The following ATRNL1 variants were observed in gnomAD, a reference collection of about 807,000 sequenced individuals.
ATRNL1 encodes the protein attractin like 1.
In ATRNL1, 95 loss-of-function variants were observed where a neutral mutation model predicts 182.7. The observed-to-expected ratio is 0.52, with a 90% CI of 0.44 to 0.62. The LOEUF (loss-of-function observed/expected upper bound fraction) is 0.62, where lower values mean the gene tolerates loss of function less well. ATRNL1 is among the 20% of genes least tolerant of loss of function. The probability of loss-of-function intolerance (pLI) is 0.00; values close to 1 mark genes in which losing one functional copy is unlikely to be tolerated. For missense variants in ATRNL1, 1,471 were observed against 1,679.5 expected (o/e 0.88, Z 2.17); for synonymous variants, 576 against 568.3 (o/e 1.01, Z -0.19).
chr10:115,664,343 A>G (rs1245732094), intron 26 of ATRNL1, among the ~76,000 whole-genome samples: 2 of 152,212 alleles, frequency 1.3e-5, no homozygotes, highest in African/African-American at 4.8e-5. Context: ...TGACACAATT[A>G]TGAATCTCAA....
At chr10:115,181,787 C>G (rs1847756253) in intron 8 of ATRNL1, among the ~76,000 whole-genome samples, 1 of 151,652 alleles carries the variant, frequency 6.6e-6, no homozygotes, top group African/African-American at 2.4e-5. Context: ...AGAAGGCATA[C>G]AAGAAGACAA....
chr10:115,398,398 A>G (rs1844391074), intron 20 of ATRNL1, among the ~76,000 whole-genome samples: 1 of 151,896 alleles, frequency 6.6e-6, no homozygotes, highest in Non-Finnish European at 1.5e-5. Context: ...TTTTTTGTGC[A>G]GTGGTTTTTA....
chr10:115,890,739 T>C (rs1455089080), intron 28 of ATRNL1, among the ~76,000 whole-genome samples: 1 of 152,224 alleles, frequency 6.6e-6, no homozygotes, highest in African/African-American at 2.4e-5. Context: ...TAATGATGCC[T>C]ACTCATATGC....
chr10:115,377,938 T>A (rs1318402055), intron 19 of ATRNL1, among the ~76,000 whole-genome samples: 5 of 152,120 alleles, frequency 3.3e-5, no homozygotes, highest in African/African-American at 1.2e-4. Context: ...GGGTTCAGAG[T>A]TAACAGACAT....
chr10:115,541,777 A>G (rs782534389), intron 25 of ATRNL1, among the ~76,000 whole-genome samples: 19 of 152,212 alleles, frequency 1.2e-4, no homozygotes, highest in Admixed American at 2.0e-4. Flanking sequence ...TTAGCAATAG[A>G]CAAGACTGAA....
At chr10:115,877,455 CT>C (rs1310687118) in intron 28 of ATRNL1, among the ~76,000 whole-genome samples, 1 of 152,200 alleles carries the variant, frequency 6.6e-6, no homozygotes, top group Non-Finnish European at 1.5e-5. Context: ...CTCCTTAGCA[CT>C]TCTCCAGAAT....
intron 26 of ATRNL1, among the ~76,000 whole-genome samples, chr10:115,579,082 ATCT>A (rs1464617487): frequency 1.3e-5 from 2 of 151,616 alleles, no homozygotes; most frequent in African/African-American, 4.8e-5. Context: ...TATGATTTTG[ATCT>A]TCTTAAATTT....
At chr10:115,874,227 T>A (rs906395779) in intron 28 of ATRNL1, among the ~76,000 whole-genome samples, 2 of 152,154 alleles carry the variant, frequency 1.3e-5, no homozygotes, top group African/African-American at 4.8e-5. Flanking sequence ...GAAAGCAGCA[T>A]CCATAGCTGG....
chr10:115,614,638 G>C (rs553825146), intron 26 of ATRNL1, among the ~76,000 whole-genome samples: 1 of 152,128 alleles, frequency 6.6e-6, no homozygotes, highest in African/African-American at 2.4e-5. Context: ...GTACCCAACT[G>C]TTACTATATT....
intron 21 of ATRNL1, among the ~76,000 whole-genome samples, chr10:115,447,636 A>C (rs1029992982): frequency 6.6e-6 from 1 of 151,974 alleles, no homozygotes; most frequent in Non-Finnish European, 1.5e-5. Context: ...TTAGTTATGT[A>C]GAATATTTCT....
chr10:115,551,188 C>T (rs1270181986), intron 26 of ATRNL1, among the ~76,000 whole-genome samples: 2 of 151,522 alleles, frequency 1.3e-5, no homozygotes, highest in African/African-American at 4.8e-5. Context: ...TTTGTTAAAA[C>T]TAATATGAAT....
intron 26 of ATRNL1, among the ~76,000 whole-genome samples, chr10:115,694,172 GCACACA>G (rs71010040): frequency 2.7e-4 from 40 of 146,910 alleles, no homozygotes; most frequent in South Asian, 8.7e-4. Context: ...CTACACAGAC[GCACACA>G]CACACACACA....
chr10:115,571,558 A>G (rs1047443593), intron 26 of ATRNL1, among the ~76,000 whole-genome samples: 12 of 151,904 alleles, frequency 7.9e-5, no homozygotes, highest in African/African-American at 2.9e-4. Context: ...CTTCCAATGT[A>G]TTTTCTCTCT....
At chr10:115,890,266 AC>A in intron 28 of ATRNL1, among the ~76,000 whole-genome samples, 1 of 152,174 alleles carries the variant, frequency 6.6e-6, no homozygotes, top group African/African-American at 2.4e-5. Context: ...TAAGAATGCA[AC>A]CTATTAAGCA....
chr10:115,139,781 A>G (rs1284685438), intron 5 of ATRNL1, among the ~76,000 whole-genome samples: 3 of 152,208 alleles, frequency 2.0e-5, no homozygotes, highest in Admixed American at 6.5e-5. Context: ...AACAACTATA[A>G]TAAGTAGCAC....
intron 20 of ATRNL1, among the ~76,000 whole-genome samples, chr10:115,421,836 A>G (rs949423706): frequency 3.3e-5 from 5 of 152,340 alleles, no homozygotes; most frequent in East Asian, 3.9e-4. Flanking sequence ...TGGTACTTAT[A>G]CAAAGACAGA....
intron 26 of ATRNL1, among the ~76,000 whole-genome samples, chr10:115,578,181 G>A (rs1854844206): frequency 6.6e-6 from 1 of 151,688 alleles, no homozygotes; most frequent in Non-Finnish European, 1.5e-5. Flanking sequence ...ATGTTTGCAT[G>A]TATGTTTAGC....
chr10:115,410,618 C>T (rs1338600360), intron 20 of ATRNL1, among the ~76,000 whole-genome samples: 2 of 151,640 alleles, frequency 1.3e-5, no homozygotes, highest in African/African-American at 4.8e-5. Flanking sequence ...CGCACCTGGC[C>T]TCTCTCTCTC....
intron 13 of ATRNL1, among the ~76,000 whole-genome samples, chr10:115,269,539 G>T (rs917525897): frequency 6.6e-6 from 1 of 151,870 alleles, no homozygotes; most frequent in Non-Finnish European, 1.5e-5. Flanking sequence ...TCACCATGTT[G>T]GCCAGGCTGG....
Sources: gnomAD v4.1 joint callset for allele counts (sites outside exome capture counted in the v4.1 genomes callset) on GRCh38, gnomAD v4.1.1 for gene constraint, MANE v1.5 for transcripts, NCBI Gene and HGNC (gene_info 2026-07-23, HGNC 2026-07-21) for gene names.